Variants in ACO2 observed in about 807,000 individuals in gnomAD.
ACO2 encodes the protein aconitate hydratase, mitochondrial.
A neutral mutation model predicts 84.5 loss-of-function variants in ACO2; 31 were observed. That is an observed-to-expected ratio of 0.37 (90% CI 0.28 to 0.50). ACO2 has a LOEUF of 0.50. Among genes scored for constraint, ACO2 ranks in the 20% least tolerant of loss-of-function variants. The pLI is 0.97. For synonymous variants in ACO2, 414 were observed against 412.7 expected, an observed-to-expected ratio of 1.00 and a Z score of -0.04; for missense variants, 685 against 1,029.3, an observed-to-expected ratio of 0.67 and a Z score of 4.58.
chr22:41,496,208 G>A (rs2066312270), intron 1 of ACO2, among the ~76,000 whole-genome samples: 1 of 151,928 alleles, frequency 6.6e-6, no homozygotes, highest in Admixed American at 6.6e-5. Context: ...CCAGCTACTT[G>A]GGGGACTGAG....
At chr22:41,481,543 A>G (rs1489579418) in intron 1 of ACO2, among the ~76,000 whole-genome samples, 2 of 152,244 alleles carry the variant, frequency 1.3e-5, no homozygotes, top group Non-Finnish European at 2.9e-5. Context: ...TCTGAATACA[A>G]CTGGTCCCAA....
intron 8 of ACO2, among the ~76,000 whole-genome samples, chr22:41,519,292 G>A (rs1042961286): frequency 2.0e-5 from 3 of 152,174 alleles, no homozygotes; most frequent in East Asian, 1.9e-4. Flanking sequence ...TTCACACCTC[G>A]GCTCTGCCAC....
At position 41,528,684 on chromosome 22, in the gene ACO2, G is replaced by C. The variant is rs138060670; in HGVS notation, c.*71G>C. On this transcript the variant is annotated 3_prime_UTR_variant, in exon 18 of 18. Transcript: ENST00000216254. ...CGTGTGCCATCAGTGGATCCGATCC[G>C]TCCAGCCATGGCTTCCTATTCCAAG... is the stretch of plus-strand genomic sequence containing the variant. 2 of 1,562,674 alleles carry C rather than the reference G, an allele frequency of 1.3e-6. No homozygotes were observed. The highest frequency in any genetic ancestry group is 2.7e-5 in the African/African-American group (2 of 73,904).
At chr22:41,484,747 T>C (rs2038131058) in intron 1 of ACO2, among the ~76,000 whole-genome samples, 1 of 152,194 alleles carries the variant, frequency 6.6e-6, no homozygotes, top group South Asian at 2.1e-4. Context: ...AGAATAACAT[T>C]CATATCATTT....
At chr22:41,504,711 C>CTTTTTT (rs926246283) in intron 2 of ACO2, among the ~76,000 whole-genome samples, 3 of 48,604 alleles carry the variant, frequency 6.2e-5, no homozygotes, top group African/African-American at 1.5e-4. Context: ...ACCTTAGGGA[C>CTTTTTT]TTTTTTTTTT....
rs557765004 is a variant in ACO2, at chr22:41,507,395, C to G, written c.174-396C>G. Among the ~76,000 whole-genome samples, 10 of 152,138 alleles carry G rather than the reference C, an allele frequency of 6.6e-5. No homozygotes were observed. The East Asian group carries it at 1.4e-3, about 21-fold the overall frequency. On this transcript the variant is annotated intron_variant, in intron 2 of 17. Coordinates refer to ENST00000216254, the MANE Select transcript of ACO2 (RefSeq NM_001098.3). ...CTTGGTCACTCTCCTGAGCCTGTTT[C>G]TTGGTTGTTGTTAAATGGCTTTCTT...
intron 1 of ACO2, among the ~76,000 whole-genome samples, chr22:41,482,215 G>A (rs1473895033): frequency 1.3e-5 from 2 of 152,216 alleles, no homozygotes; most frequent in Non-Finnish European, 2.9e-5. Flanking sequence ...CATCCAGCTA[G>A]ACTCAGCAAA....
intron 4 of ACO2, among the ~76,000 whole-genome samples, chr22:41,514,282 A>G (rs1241696700): frequency 6.6e-6 from 1 of 152,184 alleles, no homozygotes; most frequent in Non-Finnish European, 1.5e-5. Context: ...GTGGGGCACT[A>G]ACTCCATCTG....
chr22:41,523,397 G>A (rs557879291), intron 11 of ACO2, 119 bp downstream of exon 11: 1 of 774,862 alleles, frequency 1.3e-6, no homozygotes, highest in South Asian at 1.8e-5. Context: ...TCTAGCTCCA[G>A]GGACTCTTGC....
At chr22:41,495,852 C>T (rs1005900158) in intron 1 of ACO2, among the ~76,000 whole-genome samples, 6 of 151,632 alleles carry the variant, frequency 4.0e-5, no homozygotes, top group East Asian at 2.0e-4. Flanking sequence ...CCACCCACCT[C>T]GGCCTCCCAA....
At chr22:41,470,422 GAAACCATATGGTTTA>G (rs2037930756) in intron 1 of ACO2, among the ~76,000 whole-genome samples, 1 of 150,196 alleles carries the variant, frequency 6.7e-6, no homozygotes, top group Non-Finnish European at 1.5e-5. Context: ...TGCTTAAATT[GAAACCATATGGTTTA>G]AAGTAAAATC....
At chr22:41,483,328 A>G (rs2038111792) in intron 1 of ACO2, among the ~76,000 whole-genome samples, 1 of 152,170 alleles carries the variant, frequency 6.6e-6, no homozygotes, top group Admixed American at 6.5e-5. Context: ...TACTTTTGGA[A>G]TCAGGAAATA....
chr22:41,522,821 A>G lies in ACO2; in HGVS notation c.1139-9A>G. On this transcript the variant is annotated splice_polypyrimidine_tract_variant and intron_variant, in intron 9 of 17. Coordinates refer to ENST00000216254, the MANE Select transcript of ACO2 (RefSeq NM_001098.3). ...CTGACCCTTAACCCCACCACCCACA[A>G]TGCACCAGGTCTAATTGGTAGCTGC... 1.9e-6 allele frequency: 3 copies of G among 1,613,978 alleles called. No homozygotes were observed. Among genetic ancestry groups the G allele is most frequent in the Non-Finnish European group, 2.5e-6 (3 of 1,179,926 alleles).
chr22:41,526,290 T>A lies in ACO2; in HGVS notation c.1790T>A (p.Ile597Asn), dbSNP rs1481079073. The change falls in exon 15 of 18, where the codon ATC becomes AAC. Residue 597 changes from isoleucine to asparagine, a missense_variant. Physicochemically the swap from Ile to Asn is moderately radical, Grantham distance 149. Around this residue, in one of 5 missense-constraint regions of ACO2, gnomAD observed 10 missense variants for 39.7 expected, o/e 0.25. Coordinates refer to ENST00000216254, the MANE Select transcript of ACO2 (RefSeq NM_001098.3). Reference protein sequence around the residue: ...KVKGKCTTDHISAAGPWLKFR... With the variant: ...KVKGKCTTDHNSAAGPWLKFR... The stretch of plus-strand genomic sequence containing the variant: ...AAAGGGAAGTGTACCACTGACCACA[T>A]CTCAGCTGCTGGCCCCTGGCTCAAG... 1 of 1,612,290 alleles carries A rather than the reference T, an allele frequency of 6.2e-7. No individual in the cohort carries two copies. Among genetic ancestry groups the A allele is most frequent in the African/African-American group, 1.3e-5 (1 of 74,872 alleles).
At position 41,517,462 on chromosome 22, in the gene ACO2, C is replaced by T. The variant is rs979736696; in HGVS notation, c.836-65C>T. 1.4e-5 allele frequency: 18 copies of T among 1,325,766 alleles called. No individual in the cohort carries two copies. In the East Asian group the frequency reaches 1.4e-4, roughly 11 times the overall value. 82.1% of individuals were successfully genotyped at this position (1,325,766 alleles called of 1,614,324 possible). ...CCTGGTGTGAAGATGCAGGTGGCCG[C>T]GTAGCAGGTGTGTGGGACCCTGGCC... is the stretch of plus-strand genomic sequence containing the variant. On this transcript the variant is annotated intron_variant, in intron 6 of 17. Coordinates refer to ENST00000216254, the MANE Select transcript of ACO2 (RefSeq NM_001098.3).
intron 1 of ACO2, among the ~76,000 whole-genome samples, chr22:41,499,316 A>G (rs1387277995): frequency 6.6e-6 from 1 of 152,106 alleles, no homozygotes; most frequent in African/African-American, 2.4e-5. Context: ...ACTAATAGCT[A>G]TGGTTTGGAT....
At chr22:41,495,268 A>G (rs866301664) in intron 1 of ACO2, among the ~76,000 whole-genome samples, 1 of 152,140 alleles carries the variant, frequency 6.6e-6, no homozygotes, top group Admixed American at 6.5e-5. Flanking sequence ...CCTGGGCTCA[A>G]TTGATCCTCC....
intron 1 of ACO2, among the ~76,000 whole-genome samples, chr22:41,490,317 C>T (rs2066262914): frequency 6.6e-6 from 1 of 152,058 alleles, no homozygotes; most frequent in South Asian, 2.1e-4. Flanking sequence ...CAGAGCAAGA[C>T]TCTGTGTCAA....
At chr22:41,483,952 G>A (rs2038119664) in intron 1 of ACO2, among the ~76,000 whole-genome samples, 1 of 152,200 alleles carries the variant, frequency 6.6e-6, no homozygotes, top group South Asian at 2.1e-4. Context: ...GGAGACAGAG[G>A]CTCCAGGAGA....
Sources: allele counts gnomAD v4.1 joint callset (sites outside exome capture counted in the v4.1 genomes callset), GRCh38; gene constraint gnomAD v4.1.1; regional missense constraint gnomAD v4.1.1; transcripts MANE v1.5; gene names NCBI Gene and HGNC (gene_info 2026-07-23, HGNC 2026-07-21).